ADORA1: variants seen among roughly 807,000 people sequenced by gnomAD.
ADORA1 encodes the protein adenosine A1 receptor, also known as adenosine receptor A1.
ADORA1 carries 6 observed loss-of-function variants against 19.9 expected under a neutral mutation model. The ratio of observed to expected loss-of-function variants is 0.30; its 90% CI spans 0.17 to 0.59. The LOEUF is 0.59. ADORA1 is among the 20% of genes least tolerant of loss of function. ADORA1 has a pLI of 0.87. For missense variants in ADORA1, 302 were observed against 439.2 expected (o/e 0.69, Z 2.79); for synonymous variants, 194 against 188.4 (o/e 1.03, Z -0.24).
chr1:203,153,498 A>C (rs1346381240), intron 3 of ADORA1, among the ~76,000 whole-genome samples: 1 of 152,148 alleles, frequency 6.6e-6, no homozygotes, highest in Non-Finnish European at 1.5e-5. Context: ...TAATGACCTA[A>C]TCAATTTATC....
intron 3 of ADORA1, among the ~76,000 whole-genome samples, chr1:203,151,788 G>GGATTCATT (rs1553268499): frequency 7.9e-5 from 12 of 151,208 alleles, no homozygotes; most frequent in Middle Eastern, 3.2e-3. Flanking sequence ...ATGCATGCAT[G>GGATTCATT]CATTCATTCA....
At position 203,129,173 on chromosome 1, in the gene ADORA1, T is replaced by G; in HGVS notation, c.332T>G (p.Ile111Ser). ...IAVDRYLRVK[I>S]PLRYKMVVTP... ...GTGGACCGCTACCTCCGGGTCAAGA[T>G]CCCTCTCCGGTGAGTCCACAGCGCC... The change falls in exon 3 of 4, where the codon ATC becomes AGC. Residue 111 changes from isoleucine (I) to serine (S), a missense_variant. By Grantham distance (142) the Ile-to-Ser change is moderately radical. Coordinates refer to ENST00000337894, the MANE Select transcript of ADORA1 (RefSeq NM_000674.3). 1 of 1,610,756 alleles carries G rather than the reference T, an allele frequency of 6.2e-7. No individual in the cohort carries two copies. The highest frequency in any genetic ancestry group is 8.5e-7 in the Non-Finnish European group (1 of 1,178,132).
At chr1:203,161,094 A>T (rs1026036869) in intron 3 of ADORA1, among the ~76,000 whole-genome samples, 2 of 152,190 alleles carry the variant, frequency 1.3e-5, no homozygotes, top group African/African-American at 4.8e-5. Flanking sequence ...CAGCTATGAT[A>T]TGAAATCCTT....
Position 203,165,678 on chromosome 1 carries a change from C to T in ADORA1, c.759C>T (p.Leu253=). The change falls in exon 4 of 4, where the codon CTC becomes CTT. Residue 253 remains leucine (L), a synonymous_variant. Coordinates refer to ENST00000337894, the MANE Select transcript of ADORA1 (RefSeq NM_000674.3). This position sits in a 1 kb window ranked among gnomAD's most constrained non-coding sequence, Gnocchi z 5.9. ...TCAGCTGGCTGCCTTTGCACATCCT[C>T]AACTGCATCACCCTCTTCTGCCCGT... ...FALSWLPLHI[L]NCITLFCPSC... is the part of the protein sequence containing the mutation. The T allele has an allele frequency of 6.2e-7, 1 of 1,609,894 alleles. No homozygotes were observed. The highest frequency in any genetic ancestry group is 1.1e-5 in the South Asian group (1 of 90,538).
chr1:203,160,371 A>G (rs35155873), intron 3 of ADORA1, among the ~76,000 whole-genome samples: 6,647 of 152,282 alleles, frequency 0.044, 188 homozygotes, highest in South Asian at 0.076. Flanking sequence ...GCTCAAATGA[A>G]CATTTTTCTT....
chr1:203,141,299 G>T (rs1051425069), intron 3 of ADORA1, among the ~76,000 whole-genome samples: 3 of 152,214 alleles, frequency 2.0e-5, no homozygotes, highest in Non-Finnish European at 4.4e-5. Context: ...CAGTTGGCAG[G>T]GTTGGTGTGG....
At chr1:203,137,043 G>A (rs1654533278) in intron 3 of ADORA1, among the ~76,000 whole-genome samples, 1 of 152,126 alleles carries the variant, frequency 6.6e-6, no homozygotes, top group Admixed American at 6.5e-5. Flanking sequence ...GGTAGAATGT[G>A]CTATTGAAAA....
chr1:203,157,176 A>G (rs537465724), intron 3 of ADORA1, among the ~76,000 whole-genome samples: 1 of 152,348 alleles, frequency 6.6e-6, no homozygotes, highest in African/African-American at 2.4e-5. Flanking sequence ...GATATGGGTG[A>G]GGCTAAAGGC....
At chr1:203,159,735 C>T (rs953864318) in intron 3 of ADORA1, among the ~76,000 whole-genome samples, 2 of 152,328 alleles carry the variant, frequency 1.3e-5, no homozygotes, top group South Asian at 2.1e-4. Context: ...TATTCCTGAA[C>T]CCTAACACCT....
At chr1:203,137,799 G>T (rs557632480) in intron 3 of ADORA1, among the ~76,000 whole-genome samples, 1 of 152,038 alleles carries the variant, frequency 6.6e-6, no homozygotes, top group Admixed American at 6.6e-5. Flanking sequence ...ATTGTATGGG[G>T]CTCCCTCCCA....
intron 3 of ADORA1, among the ~76,000 whole-genome samples, chr1:203,157,873 G>A (rs1655245607): frequency 6.6e-6 from 1 of 152,190 alleles, no homozygotes; most frequent in Admixed American, 6.5e-5. Flanking sequence ...GGTGGCCCTG[G>A]GCAGCAAATG....
At chr1:203,144,006 G>T (rs1424710625) in intron 3 of ADORA1, among the ~76,000 whole-genome samples, 1 of 151,066 alleles carries the variant, frequency 6.6e-6, no homozygotes, top group Non-Finnish European at 1.5e-5. Flanking sequence ...TTGTCTCCCG[G>T]TCAGTCTCTT....
chr1:203,162,520 C>T (rs1655404772), intron 3 of ADORA1, among the ~76,000 whole-genome samples: 1 of 152,164 alleles, frequency 6.6e-6, no homozygotes, highest in South Asian at 2.1e-4. Context: ...TCCCCCAATC[C>T]ATAGGCTGGA....
intron 3 of ADORA1, among the ~76,000 whole-genome samples, chr1:203,159,697 G>A (rs1190553532): frequency 1.3e-5 from 2 of 152,208 alleles, no homozygotes; most frequent in African/African-American, 4.8e-5. Flanking sequence ...TCTGCAGAAT[G>A]ATATTTTCAT....
intron 3 of ADORA1, among the ~76,000 whole-genome samples, chr1:203,143,529 A>G (rs766928264): frequency 4.7e-5 from 7 of 148,864 alleles, no homozygotes; most frequent in Non-Finnish European, 5.9e-5. Flanking sequence ...GTGTATTCAC[A>G]TATGCACACC....
intron 3 of ADORA1, among the ~76,000 whole-genome samples, chr1:203,131,322 A>G (rs1019426768): frequency 6.6e-6 from 1 of 152,214 alleles, no homozygotes; most frequent in Non-Finnish European, 1.5e-5. Flanking sequence ...CTGTGAAGTT[A>G]TATCTATACA....
intron 3 of ADORA1, among the ~76,000 whole-genome samples, chr1:203,150,237 C>T (rs1284689376): frequency 6.6e-6 from 1 of 152,232 alleles, no homozygotes; most frequent in African/African-American, 2.4e-5. Context: ...CCTCCCACTG[C>T]ATCTGTATGT....
At chr1:203,160,674 C>T (rs1276062478) in intron 3 of ADORA1, among the ~76,000 whole-genome samples, 1 of 152,096 alleles carries the variant, frequency 6.6e-6, no homozygotes, top group Non-Finnish European at 1.5e-5. Context: ...AATAGCTGGG[C>T]ATGGTGGCAC....
At position 203,165,180 on chromosome 1, in the gene ADORA1, C is replaced by T; in HGVS notation, c.342-81C>T. ...AGGAGGGTGCTCCTCTTAGAGGCCC[C>T]TGGAGGCCAGGCGTGCCTCAGAGGG... is the stretch of plus-strand genomic sequence containing the variant. On this transcript the variant is annotated intron_variant, in intron 3 of 3. Coordinates refer to ENST00000337894, the MANE Select transcript of ADORA1 (RefSeq NM_000674.3). This position sits in a 1 kb window ranked among gnomAD's most constrained non-coding sequence, Gnocchi z 5.9. 4 of 1,600,254 alleles carry T rather than the reference C, an allele frequency of 2.5e-6. No individual in the cohort carries two copies. Among genetic ancestry groups the T allele is most frequent in the Non-Finnish European group, 3.4e-6 (4 of 1,173,976 alleles).
Sources: gnomAD v4.1 joint callset for allele counts (sites outside exome capture counted in the v4.1 genomes callset) on GRCh38, gnomAD v4.1.1 for gene constraint, Gnocchi (gnomAD v3.1) non-coding constraint, MANE v1.5 for transcripts, NCBI Gene and HGNC (gene_info 2026-07-23, HGNC 2026-07-21) for gene names.